The following FBXO30 variants were observed in gnomAD, a reference collection of about 807,000 sequenced individuals.
FBXO30 encodes the protein F-box protein 30.
In FBXO30, 21 loss-of-function variants were observed where a neutral mutation model predicts 58.1. That is an observed-to-expected ratio of 0.36 (90% confidence interval 0.26 to 0.52). FBXO30 has a LOEUF of 0.52. Ranked by LOEUF, FBXO30 falls within the 20% of genes least tolerant of loss-of-function variation. FBXO30 has a pLI of 0.93. For synonymous variants in FBXO30, 309 were observed against 312.4 expected (o/e 0.99, Z 0.11); for missense variants, 744 against 897.3 (o/e 0.83, Z 2.18).
At chr6:145,808,190 T>A (rs560579420) in intron 1 of FBXO30, among the ~76,000 whole-genome samples, 30 of 151,750 alleles carry the variant, frequency 2.0e-4, no homozygotes, top group Middle Eastern at 3.4e-3. Flanking sequence ...TACCACCATT[T>A]TTTTTTTCTT....
Position 145,804,860 on chromosome 6 carries a change from G to A in FBXO30, c.1546C>T (p.Arg516Cys), listed in dbSNP as rs775796081. ...CCACACACAAAGGTAAACATTGAAC[G>A]CTGCTTGGGTTGGTACCTAGCGACA... ...ECVARYQPKQ[R>C]SMFTFVCGQL... Residue 516 changes from arginine (R) to cysteine (C), a missense_variant, in exon 2 of 3, where the codon CGT (arginine) becomes TGT (cysteine). By Grantham distance (180) the Arg-to-Cys change is radical. This residue lies in a region of FBXO30 where 334 missense variants were observed against 433.7 expected (regional missense o/e 0.77). Transcript: ENST00000237281. 15 of 1,613,702 alleles carry A rather than the reference G, an allele frequency of 9.3e-6. No homozygotes were observed. Among genetic ancestry groups the A allele is most frequent in the Admixed American group, 3.3e-5 (2 of 59,896 alleles).
At chr6:145,811,396 T>C (rs1307688182) in intron 1 of FBXO30, among the ~76,000 whole-genome samples, 1 of 152,174 alleles carries the variant, frequency 6.6e-6, no homozygotes, top group Non-Finnish European at 1.5e-5. Context: ...AGGCATTATA[T>C]ATGGAGTAGG....
At position 145,804,345 on chromosome 6, in the gene FBXO30, A is replaced by G. The variant is rs560049886; in HGVS notation, c.2034+27T>C. 4.6e-5 allele frequency: 71 copies of G among 1,556,380 alleles called. 1 individual carries two copies. In the South Asian group the frequency reaches 6.4e-4, roughly 14 times the overall value. On this transcript the variant is annotated intron_variant, in intron 2 of 2. Transcript: ENST00000237281. Reference sequence around the variant, plus strand: ...ATTATTAAAGTCCTCTTTATGTCAAATAAGAGGTTGTAAAGATTACACTAA... The same window carrying G: ...ATTATTAAAGTCCTCTTTATGTCAAGTAAGAGGTTGTAAAGATTACACTAA...
At chr6:145,810,891 C>A (rs939126230) in intron 1 of FBXO30, among the ~76,000 whole-genome samples, 9 of 152,154 alleles carry the variant, frequency 5.9e-5, no homozygotes, top group Admixed American at 6.5e-5. Flanking sequence ...CACAGACACA[C>A]ATCCCTTTTC....
chr6:145,805,497 T>C lies in FBXO30; in HGVS notation c.909A>G (p.Leu303=). 6.2e-7 allele frequency: 1 copy of C among 1,605,960 alleles called. No individual in the cohort carries two copies. Among genetic ancestry groups the C allele is most frequent in the Non-Finnish European group, 8.5e-7 (1 of 1,175,628 alleles). Residue 303 remains leucine, a synonymous_variant, in exon 2 of 3, where the codon TTA becomes TTG. Transcript: ENST00000237281. The part of the protein sequence containing the change: ...CTQVIDQNQN[L]HGDSKQSNLT... ...AGTTACTTTGTTTTGAATCACCATG[T>C]AAATTCTGATTCTGGTCTATGACCT...
chr6:145,809,792 G>A (rs1778284770), intron 1 of FBXO30: 1 of 152,236 alleles, frequency 6.6e-6, no homozygotes, highest in Admixed American at 6.5e-5. Context: ...CTGAGGTTCA[G>A]AAAGAGCAAG....
intron 1 of FBXO30, among the ~76,000 whole-genome samples, chr6:145,814,152 G>T (rs1203567704): frequency 1.3e-5 from 2 of 152,180 alleles, no homozygotes; most frequent in Non-Finnish European, 2.9e-5. Context: ...GACAGTGGAT[G>T]ATGCCTCCCC....
rs1777820629 is a variant in FBXO30 at position 145,793,927 on chromosome 6, T to A, written c.*6179A>T. 1 of 152,080 alleles carries A rather than the reference T, an allele frequency of 6.6e-6. No individual in the cohort carries two copies. Among genetic ancestry groups the A allele is most frequent in the African/African-American group, 2.4e-5 (1 of 41,452 alleles). The allele number at this position is 152,080 out of a possible 1,614,324, so 9.4% of individuals were successfully genotyped here. A position where few individuals can be genotyped will look rare whatever the true frequency, so the allele number is the denominator to read the frequency against. On this transcript the variant is annotated 3_prime_UTR_variant, in exon 3 of 3. Transcript: ENST00000237281. ...TTTCACAAACGTTGAGAACACTAGT[T>A]TTTGGCTTTGGTAATGATTGCAAAT...
rs1777868859 is a variant in FBXO30, at chr6:145,796,496, C to T, written c.*3610G>A. On this transcript the variant is annotated 3_prime_UTR_variant, in exon 3 of 3. Coordinates refer to ENST00000237281, the MANE Select transcript of FBXO30 (RefSeq NM_032145.5). ...AACGTTTAGATAACCAGTCAAACAC[C>T]TATCAGAGAAATTCTTTCCATCAAA... The T allele has an allele frequency of 6.6e-6, 1 of 151,988 alleles. No homozygotes were observed. The highest frequency in any genetic ancestry group is 1.5e-5 in the Non-Finnish European group (1 of 67,904). 9.4% of individuals were successfully genotyped at this position (151,988 alleles called of 1,614,324 possible).
chr6:145,810,242 A>G (rs1778296320), intron 1 of FBXO30, among the ~76,000 whole-genome samples: 1 of 146,784 alleles, frequency 6.8e-6, no homozygotes, highest in African/African-American at 2.6e-5. Flanking sequence ...ATATTAAGAA[A>G]AAAGTTAAGA....
chr6:145,796,453 G>A lies in FBXO30; in HGVS notation c.*3653C>T, dbSNP rs1777868191. 1 of 151,910 alleles carries A rather than the reference G, an allele frequency of 6.6e-6. No individual in the cohort carries two copies. The highest frequency in any genetic ancestry group is 1.5e-5 in the Non-Finnish European group (1 of 67,880). The allele number at this position is 151,910 out of a possible 1,614,324, so 9.4% of individuals were successfully genotyped here. On this transcript the variant is annotated 3_prime_UTR_variant, in exon 3 of 3. Coordinates refer to ENST00000237281, the MANE Select transcript of FBXO30 (RefSeq NM_032145.5). The stretch of plus-strand genomic sequence containing the variant: ...TTCCTAGACCTTATGAGCATCTTAA[G>A]TAAGACTACTTAACAGCAACGTTTA...
intron 1 of FBXO30, among the ~76,000 whole-genome samples, chr6:145,813,070 C>G (rs1043883216): frequency 6.6e-6 from 1 of 152,106 alleles, no homozygotes; most frequent in Non-Finnish European, 1.5e-5. Flanking sequence ...TTATATCAAA[C>G]AGTAAGCATT....
chr6:145,812,729 T>A (rs1362320302), intron 1 of FBXO30, among the ~76,000 whole-genome samples: 1 of 152,184 alleles, frequency 6.6e-6, no homozygotes, highest in Non-Finnish European at 1.5e-5. Flanking sequence ...GTAATAACAT[T>A]ACTCATTCTT....
chr6:145,812,943 T>A (rs1262991807), intron 1 of FBXO30, among the ~76,000 whole-genome samples: 1 of 152,202 alleles, frequency 6.6e-6, no homozygotes, highest in Non-Finnish European at 1.5e-5. Flanking sequence ...TTCCATAATA[T>A]GTACTAACTC....
chr6:145,802,497 T>C (rs566502732), intron 2 of FBXO30, among the ~76,000 whole-genome samples: 10 of 152,196 alleles, frequency 6.6e-5, no homozygotes, highest in Admixed American at 6.5e-4. Flanking sequence ...ATCAGGGAAC[T>C]GTAAGTAAAT....
At chr6:145,809,067 T>G (rs1778263270) in intron 1 of FBXO30, among the ~76,000 whole-genome samples, 1 of 152,206 alleles carries the variant, frequency 6.6e-6, no homozygotes, top group Non-Finnish European at 1.5e-5. Context: ...CAAACCTATA[T>G]TTTTTAATTG....
intron 1 of FBXO30, among the ~76,000 whole-genome samples, chr6:145,807,018 A>G (rs1206278964): frequency 6.6e-6 from 1 of 152,220 alleles, no homozygotes; most frequent in Non-Finnish European, 1.5e-5. Context: ...AGAACATACA[A>G]GGAATTTATC....
rs187108979 is a variant in FBXO30 at position 145,814,273 on chromosome 6, C to G, written c.-17+330G>C. Among the ~76,000 whole-genome samples, 639 of 152,302 alleles carry G rather than the reference C, an allele frequency of 4.2e-3. 7 individuals carry two copies. Among genetic ancestry groups the G allele is most frequent in the African/African-American group, 0.015 (611 of 41,570 alleles). ...ACTCCTCCTTCGTCCCTTCCCAATACAAAGACACACAAACTGGGGGGGACA... is the reference window on the plus strand; with the variant it reads ...ACTCCTCCTTCGTCCCTTCCCAATAGAAAGACACACAAACTGGGGGGGACA... On this transcript the variant is annotated intron_variant, in intron 1 of 2. Coordinates refer to ENST00000237281, the MANE Select transcript of FBXO30 (RefSeq NM_032145.5).
rs763128781 is a variant in FBXO30, at chr6:145,805,667, C to T, written c.739G>A (p.Val247Ile). 8 of 1,614,020 alleles carry T rather than the reference C, an allele frequency of 5.0e-6. No homozygotes were observed. In the South Asian group the frequency reaches 5.5e-5, roughly 11 times the overall value. The change falls in exon 2 of 3, where the codon GTA (valine) becomes ATA (isoleucine). Residue 247 changes from valine (V) to isoleucine (I), a missense_variant. Physicochemically the swap from Val to Ile is conservative, Grantham distance 29 (BLOSUM62 3). Around this residue, in one of 3 missense-constraint regions of FBXO30, gnomAD observed 275 missense variants for 262.0 expected, o/e 1.05. Transcript: ENST00000237281. ...DHLYEEEIGA[V>I]GGIDYNDTNQ... ...GTGTCATTGTAGTCAATTCCACCTA[C>T]TGCTCCTATTTCCTCCTCATAAAGA...
Sources: allele counts gnomAD v4.1 joint callset (sites outside exome capture counted in the v4.1 genomes callset), GRCh38; gene constraint gnomAD v4.1.1; regional missense constraint gnomAD v4.1.1; transcripts MANE v1.5; gene names NCBI Gene and HGNC (gene_info 2026-07-23, HGNC 2026-07-21).